FAM117B: variants seen among roughly 807,000 people sequenced by gnomAD.
The protein encoded by FAM117B is protein FAM117B.
FAM117B carries 22 observed loss-of-function variants against 52.8 expected under a neutral mutation model. The observed-to-expected ratio is 0.42, with a 90% CI of 0.30 to 0.59. FAM117B has a LOEUF of 0.59. FAM117B is among the 20% of genes least tolerant of loss of function. FAM117B has a pLI of 0.22. For synonymous variants in FAM117B, 309 were observed against 324.1 expected (o/e 0.95, Z 0.50); for missense variants, 678 against 802.6 (o/e 0.84, Z 1.88).
chr2:202,754,580 G>C (rs895110452), intron 4 of FAM117B, among the ~76,000 whole-genome samples: 1 of 151,876 alleles, frequency 6.6e-6, no homozygotes, highest in African/African-American at 2.4e-5. Context: ...AAATACCTGA[G>C]ACTGGGTAAT....
At chr2:202,644,600 A>G (rs1689832787) in intron 1 of FAM117B, among the ~76,000 whole-genome samples, 1 of 152,094 alleles carries the variant, frequency 6.6e-6, no homozygotes. Flanking sequence ...GCTGGAGTGC[A>G]TTTTCCAATA....
intron 4 of FAM117B, among the ~76,000 whole-genome samples, chr2:202,741,032 C>G (rs1691526114): frequency 6.6e-6 from 1 of 152,104 alleles, no homozygotes; most frequent in African/African-American, 2.4e-5. Flanking sequence ...GGATGAGGAA[C>G]AAGGCAAGGA....
intron 5 of FAM117B, among the ~76,000 whole-genome samples, chr2:202,756,339 G>A (rs1371517301): frequency 6.6e-6 from 1 of 151,972 alleles, no homozygotes; most frequent in African/African-American, 2.4e-5. Context: ...GCTTGAACCC[G>A]GGAGGTGAAG....
At chr2:202,749,987 A>T (rs1691698764) in intron 4 of FAM117B, among the ~76,000 whole-genome samples, 1 of 152,218 alleles carries the variant, frequency 6.6e-6, no homozygotes, top group South Asian at 2.1e-4. Flanking sequence ...TATTATGCAT[A>T]GACTACGTGA....
At chr2:202,656,211 TTTCA>T (rs1404287231) in intron 1 of FAM117B, among the ~76,000 whole-genome samples, 5 of 152,312 alleles carry the variant, frequency 3.3e-5, no homozygotes, top group South Asian at 4.1e-4. Flanking sequence ...TATTTTTTCA[TTTCA>T]TTCATCTCTG....
At chr2:202,724,644 CTT>C (rs1440592583) in intron 2 of FAM117B, among the ~76,000 whole-genome samples, 1 of 152,006 alleles carries the variant, frequency 6.6e-6, no homozygotes, top group Non-Finnish European at 1.5e-5. Flanking sequence ...ATATAGTTAA[CTT>C]TGTTCCATAA....
At chr2:202,761,820 C>T (rs1352083195) in intron 7 of FAM117B, among the ~76,000 whole-genome samples, 1 of 152,078 alleles carries the variant, frequency 6.6e-6, no homozygotes, top group African/African-American at 2.4e-5. Context: ...AGCCACCGTG[C>T]CTAGTCATGT....
rs1372852201 is a variant in FAM117B at position 202,757,260 on chromosome 2, G to A, written c.1152G>A (p.Gln384=). ...DGHRAPPPLV[Q]RSSSTRSIDT... is the part of the protein sequence containing the mutation. Reference sequence around the variant, plus strand: ...ATCGTGCTCCACCCCCCCTTGTACAGAGAAGTAGCAGCACGCGCAGCATTG... The same window carrying A: ...ATCGTGCTCCACCCCCCCTTGTACAAAGAAGTAGCAGCACGCGCAGCATTG... Residue 384 remains glutamine (Q), a synonymous_variant, in exon 6 of 8, where the codon CAG becomes CAA. Transcript: ENST00000392238. The A allele has an allele frequency of 6.2e-7, 1 of 1,614,020 alleles. No homozygotes were observed. Among genetic ancestry groups the A allele is most frequent in the African/African-American group, 1.3e-5 (1 of 74,894 alleles).
chr2:202,713,705 G>A (rs1690991705), intron 2 of FAM117B, among the ~76,000 whole-genome samples: 1 of 151,946 alleles, frequency 6.6e-6, no homozygotes, highest in African/African-American at 2.4e-5. Context: ...TTGGTATGTT[G>A]TGTTTCCATT....
chr2:202,684,315 G>A (rs1574554776), intron 1 of FAM117B, among the ~76,000 whole-genome samples: 1 of 152,198 alleles, frequency 6.6e-6, no homozygotes, highest in Admixed American at 6.5e-5. Context: ...ATTATTCGCA[G>A]ATTTTGTATT....
intron 2 of FAM117B, among the ~76,000 whole-genome samples, chr2:202,696,291 T>C (rs968980611): frequency 9.2e-5 from 14 of 152,158 alleles, no homozygotes; most frequent in Non-Finnish European, 1.3e-4. Context: ...TACTTTTTTT[T>C]CCCACTTATT....
rs1689658870 is a variant in FAM117B at position 202,635,259 on chromosome 2, G to A, written c.72G>A (p.Thr24=). ...AGSLGGGAVA[T]AGGPGSRLQP... ...CCCTTGGGGGTGGTGCGGTGGCCAC[G>A]GCCGGGGGACCCGGGAGCCGCTTGC... The change falls in exon 1 of 8, where the codon ACG becomes ACA. Residue 24 remains threonine, a synonymous_variant. Coordinates refer to ENST00000392238, the MANE Select transcript of FAM117B (RefSeq NM_173511.4). The A allele has an allele frequency of 1.5e-6, 2 of 1,376,576 alleles. No individual in the cohort carries two copies. Among genetic ancestry groups the A allele is most frequent in the African/African-American group, 3.0e-5 (2 of 66,398 alleles). The allele number at this position is 1,376,576 out of a possible 1,614,324, so 85.3% of individuals were successfully genotyped here.
At position 202,724,416 on chromosome 2, in the gene FAM117B, A is replaced by G. The variant is rs1691204827; in HGVS notation, c.754-501A>G. Reference sequence around the variant, plus strand: ...TAGACATAATATAGAAGTTAATATTACAAGCTCTGGAGTCTCAGGTTTATT... The same window carrying G: ...TAGACATAATATAGAAGTTAATATTGCAAGCTCTGGAGTCTCAGGTTTATT... On this transcript the variant is annotated intron_variant, in intron 2 of 7. Coordinates refer to ENST00000392238, the MANE Select transcript of FAM117B (RefSeq NM_173511.4). Among the ~76,000 whole-genome samples the G allele has an allele frequency of 1.3e-5, 2 of 152,170 alleles. 1 individual carries two copies. The highest frequency in any genetic ancestry group is 4.1e-4 in the South Asian group (2 of 4,826).
At position 202,765,387 on chromosome 2, in the gene FAM117B, T is replaced by A. The variant is rs140946175; in HGVS notation, c.1452-59T>A. 1,391 of 1,445,428 alleles carry A rather than the reference T, an allele frequency of 9.6e-4. 15 individuals carry two copies. In the African/African-American group the frequency reaches 0.018, roughly 18 times the overall value. The allele number at this position is 1,445,428 out of a possible 1,614,324, so 89.5% of individuals were successfully genotyped here. A position where few individuals can be genotyped will look rare whatever the true frequency, so the allele number is the denominator to read the frequency against. ...AAGAGCTTGTTTCCAAGCTTTTTTT[T>A]TTTTTTATTTTTTAAGTTCAGTGAC... On this transcript the variant is annotated intron_variant, in intron 7 of 7. Transcript: ENST00000392238.
At chr2:202,704,218 T>C (rs1408261442) in intron 2 of FAM117B, among the ~76,000 whole-genome samples, 4 of 152,222 alleles carry the variant, frequency 2.6e-5, no homozygotes, top group Admixed American at 1.3e-4. Flanking sequence ...AGAAAACATA[T>C]AAAACTCTCG....
intron 6 of FAM117B, among the ~76,000 whole-genome samples, chr2:202,757,794 T>C (rs1293067421): frequency 6.6e-6 from 1 of 152,232 alleles, no homozygotes; most frequent in African/African-American, 2.4e-5. Flanking sequence ...TAATGCTTTT[T>C]AAATCAATAC....
intron 1 of FAM117B, among the ~76,000 whole-genome samples, chr2:202,655,670 G>A (rs781422336): frequency 3.4e-5 from 5 of 149,072 alleles, no homozygotes; most frequent in Non-Finnish European, 7.4e-5. Flanking sequence ...TTTCCCCAGT[G>A]AAATCATCTT....
At chr2:202,680,547 A>G (rs1690447900) in intron 1 of FAM117B, among the ~76,000 whole-genome samples, 1 of 152,172 alleles carries the variant, frequency 6.6e-6, no homozygotes, top group Non-Finnish European at 1.5e-5. Flanking sequence ...AGGCACCATA[A>G]TCAGATGGCT....
At chr2:202,709,465 G>A (rs1690927264) in intron 2 of FAM117B, among the ~76,000 whole-genome samples, 1 of 152,144 alleles carries the variant, frequency 6.6e-6, no homozygotes, top group Non-Finnish European at 1.5e-5. Context: ...GCCTCCCAAA[G>A]TACTGGGATT....
Sources: allele counts gnomAD v4.1 joint callset (sites outside exome capture counted in the v4.1 genomes callset), GRCh38; gene constraint gnomAD v4.1.1; transcripts MANE v1.5; gene names NCBI Gene and HGNC (gene_info 2026-07-23, HGNC 2026-07-21).